Variants in AP1G1 observed in about 807,000 individuals in gnomAD.
AP1G1 encodes adaptor related protein complex 1 subunit gamma 1.
AP1G1 carries 7 observed loss-of-function variants against 108.3 expected under a neutral mutation model. The observed-to-expected ratio is 0.06, with a 90% confidence interval of 0.04 to 0.12. AP1G1 has a LOEUF of 0.12. Ranked by LOEUF, AP1G1 falls within the 10% of genes least tolerant of loss-of-function variation. The probability of loss-of-function intolerance (pLI) is 1.00; values close to 1 mark genes in which losing one functional copy is unlikely to be tolerated. For synonymous variants in AP1G1, 379 were observed against 353.5 expected, an observed-to-expected ratio of 1.07 and a Z score of -0.81; for missense variants, 756 against 1,010.7, an observed-to-expected ratio of 0.75 and a Z score of 3.42.
At chr16:71,806,200 T>C (rs1403468549) in intron 1 of AP1G1, among the ~76,000 whole-genome samples, 1 of 152,138 alleles carries the variant, frequency 6.6e-6, no homozygotes, top group African/African-American at 2.4e-5. Context: ...CCCTCAAATC[T>C]AGAACTGCTA....
chr16:71,741,190 A>G (rs189460941), intron 19 of AP1G1, among the ~76,000 whole-genome samples: 20 of 152,366 alleles, frequency 1.3e-4, no homozygotes, highest in African/African-American at 4.6e-4. Context: ...TTTAAAAAAG[A>G]ACTATCACAA....
At chr16:71,782,164 T>G (rs1351414021) in intron 2 of AP1G1, among the ~76,000 whole-genome samples, 1 of 152,130 alleles carries the variant, frequency 6.6e-6, no homozygotes, top group Non-Finnish European at 1.5e-5. Flanking sequence ...CAATTGCAAT[T>G]ATTATCCTTT....
rs147509201 is a variant in AP1G1, at chr16:71,764,392, C to T, written c.876G>A (p.Thr292=). The T allele has an allele frequency of 4.7e-5, 75 of 1,609,576 alleles. No homozygotes were observed. In the African/African-American group the frequency reaches 7.8e-4, roughly 17 times the overall value. The change falls in exon 9 of 23, where the codon ACG becomes ACA. Residue 292 remains threonine, a synonymous_variant. Coordinates refer to ENST00000299980, the MANE Select transcript of AP1G1 (RefSeq NM_001128.6). Reference sequence around the variant, plus strand: ...ACTTAATATCCATGATAGTCAAAACCGTTTCATAAAGAATAGCATTTCCTA... The same window carrying T: ...ACTTAATATCCATGATAGTCAAAACTGTTTCATAAAGAATAGCATTTCCTA... ...KNVGNAILYE[T]VLTIMDIKSE...
intron 21 of AP1G1, among the ~76,000 whole-genome samples, chr16:71,736,117 A>AAAAAAAAAAAATAT (rs1555550846): frequency 1.8e-4 from 13 of 71,632 alleles, no homozygotes; most frequent in African/African-American, 5.6e-4. Context: ...AAAAAAAAAA[A>AAAAAAAAAAAATAT]ATATATATAT....
intron 2 of AP1G1, among the ~76,000 whole-genome samples, 180 bp downstream of exon 2, chr16:71,789,099 A>C (rs1171796613): frequency 6.6e-6 from 1 of 152,204 alleles, no homozygotes; most frequent in Non-Finnish European, 1.5e-5. Context: ...GGAAAGGATA[A>C]TTGATAGCAA....
At chr16:71,777,886 G>A (rs2031851731) in intron 2 of AP1G1, 3 of 284,446 alleles carry the variant, frequency 1.1e-5, no homozygotes, top group African/African-American at 2.2e-5. Context: ...CCAAGACAGA[G>A]GGGCCCTGGA....
intron 1 of AP1G1, among the ~76,000 whole-genome samples, chr16:71,804,274 C>G (rs571074789): frequency 2.0e-5 from 3 of 152,024 alleles, no homozygotes; most frequent in Admixed American, 6.6e-5. Flanking sequence ...TCTCGATCTC[C>G]TGACCTCGTG....
intron 21 of AP1G1, among the ~76,000 whole-genome samples, chr16:71,736,005 C>A (rs1312934321): frequency 1.3e-5 from 2 of 148,354 alleles, no homozygotes; most frequent in Non-Finnish European, 3.0e-5. Context: ...GTGGCGCATG[C>A]CTGTAATCCC....
chr16:71,753,974 T>A, intron 12 of AP1G1, 87 bp from the exon 13 acceptor site: 1 of 1,239,096 alleles, frequency 8.1e-7, no homozygotes, highest in African/African-American at 1.5e-5. Flanking sequence ...GCAGGGTGAC[T>A]CACACCTGTC....
chr16:71,749,050 G>A (rs113094443), intron 15 of AP1G1, among the ~76,000 whole-genome samples: 19 of 152,170 alleles, frequency 1.2e-4, no homozygotes, highest in Admixed American at 6.5e-4. Context: ...GGGACTACAG[G>A]TGCCTGCCAC....
At chr16:71,756,652 A>C (rs1328232236) in intron 11 of AP1G1, among the ~76,000 whole-genome samples, 1 of 152,184 alleles carries the variant, frequency 6.6e-6, no homozygotes, top group African/African-American at 2.4e-5. Flanking sequence ...AATTAAAAAC[A>C]AATTCAAGGC....
chr16:71,782,033 A>T (rs1329416512), intron 2 of AP1G1, among the ~76,000 whole-genome samples: 1 of 152,248 alleles, frequency 6.6e-6, no homozygotes, highest in Non-Finnish European at 1.5e-5. Context: ...TTGCAAAATG[A>T]TTAGATTCTA....
chr16:71,747,184 G>A (rs893192676), intron 16 of AP1G1: 1 of 152,284 alleles, frequency 6.6e-6, no homozygotes, highest in Non-Finnish European at 1.5e-5. Flanking sequence ...AAGTGAAGCA[G>A]AAAGACTACA....
chr16:71,805,920 C>T (rs1017305103), intron 1 of AP1G1, among the ~76,000 whole-genome samples: 8 of 151,866 alleles, frequency 5.3e-5, no homozygotes, highest in Non-Finnish European at 1.2e-4. Context: ...ACGTGGAGGG[C>T]TGAGGCAGGA....
intron 11 of AP1G1, 52 bp from the exon 12 acceptor site, chr16:71,756,211 A>G: frequency 6.4e-7 from 1 of 1,560,186 alleles, no homozygotes; most frequent in Non-Finnish European, 8.7e-7. Context: ...GTGGAAATGA[A>G]ACAAAGACCC....
intron 22 of AP1G1, among the ~76,000 whole-genome samples, chr16:71,733,455 T>G (rs575063534): frequency 6.6e-6 from 1 of 152,256 alleles, no homozygotes; most frequent in African/African-American, 2.4e-5. Context: ...TTTCTTTTCT[T>G]TTGAAACAGG....
In AP1G1 at chr16:71,772,671, T is replaced by C. The variant is rs1367559328; in HGVS notation, c.468+550A>G. On this transcript the variant is annotated intron_variant, in intron 4 of 22. Coordinates refer to ENST00000299980, the MANE Select transcript of AP1G1 (RefSeq NM_001128.6). ...TAAATGCCAAACAGATCACAGTTTA[T>C]GTTCATTTCTTGGACTTCTAAATTC... Among the ~76,000 whole-genome samples the C allele has an allele frequency of 3.3e-5, 5 of 152,364 alleles. No homozygotes were observed. The East Asian group carries it at 9.6e-4, about 29-fold the overall frequency.
chr16:71,808,366 G>A (rs780421735), intron 1 of AP1G1: 13 of 876,140 alleles, frequency 1.5e-5, no homozygotes, highest in Non-Finnish European at 1.7e-5. Context: ...CCTGACACGG[G>A]TACAAGACAC....
intron 15 of AP1G1, among the ~76,000 whole-genome samples, chr16:71,749,592 T>A (rs146149311): frequency 0.012 from 1,842 of 152,232 alleles, 18 homozygotes; most frequent in Non-Finnish European, 0.019. Context: ...GGGTATTTTT[T>A]AAATTTTTTT....
Sources: gnomAD v4.1 joint callset for allele counts (sites outside exome capture counted in the v4.1 genomes callset) on GRCh38, gnomAD v4.1.1 for gene constraint, MANE v1.5 for transcripts, NCBI Gene and HGNC (gene_info 2026-07-23, HGNC 2026-07-21) for gene names.